The following SYCP1 variants were observed in gnomAD, a reference collection of about 807,000 sequenced individuals.
The protein encoded by SYCP1 is synaptonemal complex protein 1, also known as cancer/testis antigen 8.
A neutral mutation model predicts 153.1 loss-of-function variants in SYCP1; 64 were observed. The ratio of observed to expected loss-of-function variants is 0.42; its 90% CI spans 0.34 to 0.51. SYCP1 has a LOEUF of 0.51. Among genes scored for constraint, SYCP1 ranks in the 20% least tolerant of loss-of-function variants. The pLI is 0.06. For synonymous variants in SYCP1, 384 were observed against 341.8 expected, an observed-to-expected ratio of 1.12 and a Z score of -1.36; for missense variants, 997 against 1,049.0, an observed-to-expected ratio of 0.95 and a Z score of 0.68.
chr1:114,925,961 A>G (rs1166921779), intron 21 of SYCP1, among the ~76,000 whole-genome samples: 3 of 151,738 alleles, frequency 2.0e-5, no homozygotes, highest in African/African-American at 4.8e-5. Flanking sequence ...ACATACAAAG[A>G]TAATTTTTTT....
At chr1:114,913,211 A>G (rs947857390) in intron 19 of SYCP1, 61 bp downstream of exon 19, 7 of 1,345,472 alleles carry the variant, frequency 5.2e-6, no homozygotes, top group Middle Eastern at 1.9e-4. Flanking sequence ...GTTAGAATAG[A>G]TGACCTCTAA....
intron 23 of SYCP1, among the ~76,000 whole-genome samples, chr1:114,934,360 G>A (rs1269143223): frequency 6.6e-6 from 1 of 152,166 alleles, no homozygotes; most frequent in Non-Finnish European, 1.5e-5. Flanking sequence ...AGCAAATGCT[G>A]AGAGATTTTG....
intron 8 of SYCP1, 77 bp downstream of exon 8, chr1:114,860,886 T>C: frequency 1.7e-6 from 2 of 1,175,170 alleles, no homozygotes; most frequent in Non-Finnish European, 2.3e-6. Context: ...GAAATTGTCC[T>C]TTTAATTTTT....
intron 16 of SYCP1, among the ~76,000 whole-genome samples, chr1:114,897,102 T>TTGGAGACCTTTTTACC (rs1667126412): frequency 6.6e-6 from 1 of 152,176 alleles, no homozygotes; most frequent in African/African-American, 2.4e-5. Context: ...ACCTTTTTAC[T>TTGGAGACCTTTTTACC]TGGAGACCTT....
rs187850091 is a variant in SYCP1, at chr1:114,926,702, T to C, written c.1926+139T>C. 5.9e-6 allele frequency: 4 copies of C among 680,306 alleles called. No individual in the cohort carries two copies. The Admixed American group carries it at 1.4e-4, about 23-fold the overall frequency. 42.1% of individuals were successfully genotyped at this position (680,306 alleles called of 1,614,324 possible). Reference sequence around the variant, plus strand: ...ATTGAAAAGTTGAAAGGTTGTTATCTTTTTAAATAGAGGAGATCAACTCTT... The same window carrying C: ...ATTGAAAAGTTGAAAGGTTGTTATCCTTTTAAATAGAGGAGATCAACTCTT... On this transcript the variant is annotated intron_variant, in intron 23 of 31. Coordinates refer to ENST00000369522, the MANE Select transcript of SYCP1 (RefSeq NM_003176.4).
At chr1:114,859,214 A>G (rs1196022139) in intron 6 of SYCP1, among the ~76,000 whole-genome samples, 1 of 152,058 alleles carries the variant, frequency 6.6e-6, no homozygotes, top group Non-Finnish European at 1.5e-5. Flanking sequence ...CAGCCTCCCA[A>G]GTAGCTGGGA....
At chr1:114,958,929 C>CA (rs202044089) in intron 27 of SYCP1, among the ~76,000 whole-genome samples, 54,029 of 107,046 alleles carry the variant, frequency 0.5, 12,010 homozygotes, top group East Asian at 0.58. Flanking sequence ...GACTCCGTCT[C>CA]AAAAAAAAAA....
Position 114,988,096 on chromosome 1 carries a change from AG to A in SYCP1, c.2703+3229del, listed in dbSNP as rs1475053335. 6.4e-3 allele frequency among the ~76,000 whole-genome samples: 901 copies of A among 140,876 alleles called. 5 individuals are homozygous for A. The highest frequency in any genetic ancestry group is 0.023 in the African/African-American group (855 of 37,880). The allele number at this position is 140,876 out of a possible 152,430, so 92.4% of individuals were successfully genotyped here. On this transcript the variant is annotated intron_variant, in intron 30 of 31. Coordinates refer to ENST00000369522, the MANE Select transcript of SYCP1 (RefSeq NM_003176.4). ...GATAAACGGCAAAAAAAAAAAAAAA[AG>A]AAAAAGAAAAGAAAAGAAAAGTGAA...
chr1:114,859,740 T>C lies in SYCP1; in HGVS notation c.457-3T>C. On this transcript the variant is annotated splice_region_variant and splice_polypyrimidine_tract_variant and intron_variant, in intron 6 of 31. Transcript: ENST00000369522. ...GGATGAACTTTTCTGTTTTATAAAT[T>C]AGTTTGGAAATGAAAAAGTAAGTTT... 1 of 968,336 alleles carries C rather than the reference T, an allele frequency of 1.0e-6. No individual in the cohort carries two copies. Among genetic ancestry groups the C allele is most frequent in the Non-Finnish European group, 1.4e-6 (1 of 728,170 alleles). 60.0% of individuals were successfully genotyped at this position (968,336 alleles called of 1,614,324 possible).
intron 27 of SYCP1, among the ~76,000 whole-genome samples, chr1:114,976,939 G>C (rs1162056713): frequency 6.6e-6 from 1 of 151,630 alleles, no homozygotes; most frequent in Non-Finnish European, 1.5e-5. Flanking sequence ...ATACTCCCTG[G>C]AGTTGTAAAA....
chr1:114,975,842 G>T (rs2101929046), intron 27 of SYCP1, among the ~76,000 whole-genome samples: 1 of 151,800 alleles, frequency 6.6e-6, no homozygotes, highest in African/African-American at 2.4e-5. Context: ...ATTCAAAGTT[G>T]GTCCTTTCAA....
chr1:114,961,303 T>G (rs1671767732), intron 27 of SYCP1, among the ~76,000 whole-genome samples: 1 of 152,188 alleles, frequency 6.6e-6, no homozygotes, highest in East Asian at 1.9e-4. Context: ...AGCTTTTTGT[T>G]TCATTTATCT....
chr1:114,856,934 A>AC (rs1258460725), intron 3 of SYCP1, among the ~76,000 whole-genome samples: 1 of 146,796 alleles, frequency 6.8e-6, no homozygotes, highest in African/African-American at 2.5e-5. Flanking sequence ...AAAAAAAAAA[A>AC]AAAAAAAAAA....
chr1:114,855,627 A>G (rs1663884980), intron 2 of SYCP1, 55 bp downstream of exon 2: 6 of 1,355,096 alleles, frequency 4.4e-6, no homozygotes, highest in Non-Finnish European at 6.2e-6. Flanking sequence ...GGAAATGAAG[A>G]AAAGTGTACT....
In SYCP1 at chr1:114,858,640, CAG is replaced by C. The variant is rs1664171755; in HGVS notation, c.387_388del (p.Lys130ArgfsTer3). ...AGTAAGTACAGAAGCTGAACTGAGA[CAG>C]AAAGAAAGTAAGTTGCAAGAAAACA... is the stretch of plus-strand genomic sequence containing the variant. ...WKVSTEAELRQKESKLQENRK... is the reference protein window; with the variant it reads ...WKVSTEAELRXKESKLQENRK... On this transcript the variant is annotated frameshift_variant, in exon 6 of 32. Coordinates refer to ENST00000369522, the MANE Select transcript of SYCP1 (RefSeq NM_003176.4). LOFTEE classifies it high-confidence loss of function. The C allele has an allele frequency of 6.2e-7, 1 of 1,612,596 alleles. No individual in the cohort carries two copies. Among genetic ancestry groups the C allele is most frequent in the Admixed American group, 1.7e-5 (1 of 59,916 alleles).
chr1:114,866,653 C>T (rs1454522676), intron 8 of SYCP1, among the ~76,000 whole-genome samples: 1 of 152,016 alleles, frequency 6.6e-6, no homozygotes, highest in African/African-American at 2.4e-5. Context: ...TTCTCCCAGT[C>T]TGCGGCTTGT....
intron 8 of SYCP1, among the ~76,000 whole-genome samples, chr1:114,867,487 C>T (rs1664838345): frequency 6.6e-6 from 1 of 151,854 alleles, no homozygotes; most frequent in Non-Finnish European, 1.5e-5. Context: ...AGATTTGTAC[C>T]TAAGTATTTC....
intron 8 of SYCP1, among the ~76,000 whole-genome samples, chr1:114,861,799 C>CTTTTTTTTT (rs1334859101): frequency 7.7e-6 from 1 of 129,908 alleles, no homozygotes; most frequent in Admixed American, 7.8e-5. Context: ...TTTTTTTATT[C>CTTTTTTTTT]TTTTTTTTTT....
At position 114,944,381 on chromosome 1, in the gene SYCP1, T is replaced by A; in HGVS notation, c.1969T>A (p.Phe657Ile). Residue 657 changes from phenylalanine (F) to isoleucine (I), a missense_variant, in exon 24 of 32, where the codon TTT becomes ATT. By Grantham distance (21) the Phe-to-Ile change is conservative (BLOSUM62 0). Around this residue, in one of 2 missense-constraint regions of SYCP1, gnomAD observed 712 missense variants for 682.9 expected, o/e 1.04. Transcript: ENST00000369522. ...ELELESAKQKFGEITDTYQKE... is the reference protein window; with the variant it reads ...ELELESAKQKIGEITDTYQKE... ...AGAACTAGAAAGTGCCAAACAGAAA[T>A]TTGGAGAAATCACAGACACCTATCA... is the stretch of plus-strand genomic sequence containing the variant. 1 of 1,606,394 alleles carries A rather than the reference T, an allele frequency of 6.2e-7. No individual in the cohort carries two copies. The highest frequency in any genetic ancestry group is 8.5e-7 in the Non-Finnish European group (1 of 1,176,652).
Sources: gnomAD v4.1 joint callset for allele counts (sites outside exome capture counted in the v4.1 genomes callset) on GRCh38, gnomAD v4.1.1 for gene constraint, gnomAD v4.1.1 regional missense constraint, MANE v1.5 for transcripts, NCBI Gene and HGNC (gene_info 2026-07-23, HGNC 2026-07-21) for gene names.